The following FMNL2 variants were observed in gnomAD, a reference collection of about 807,000 sequenced individuals.
The protein encoded by FMNL2 is formin-like protein 2.
Under a neutral mutation model 130.2 loss-of-function variants are expected in FMNL2, and 51 were observed. That is an observed-to-expected ratio of 0.39 (90% CI 0.31 to 0.49). FMNL2 has a LOEUF of 0.49. FMNL2 is among the 20% of genes least tolerant of loss of function. The pLI is 0.85. For missense variants in FMNL2, 977 were observed against 1,316.2 expected (o/e 0.74, Z 3.99); for synonymous variants, 465 against 467.1 (o/e 1.00, Z 0.06).
At chr2:152,633,302 C>T (rs185692581) in intron 21 of FMNL2, among the ~76,000 whole-genome samples, 1 of 152,166 alleles carries the variant, frequency 6.6e-6, no homozygotes, top group Non-Finnish European at 1.5e-5. Flanking sequence ...CCCTGTGTTG[C>T]CTAGGCTGGT....
At chr2:152,532,559 G>A (rs1579898238) in intron 2 of FMNL2, among the ~76,000 whole-genome samples, 1 of 150,484 alleles carries the variant, frequency 6.6e-6, no homozygotes, top group South Asian at 2.1e-4. Flanking sequence ...GTATATCTTT[G>A]TTGAAGGATC....
intron 1 of FMNL2, among the ~76,000 whole-genome samples, chr2:152,349,057 G>A (rs908267227): frequency 8.0e-6 from 1 of 125,766 alleles, no homozygotes; most frequent in African/African-American, 3.3e-5. Flanking sequence ...GGATGGTCTC[G>A]ATCTCCTGAC....
intron 1 of FMNL2, among the ~76,000 whole-genome samples, chr2:152,520,611 T>A (rs926912699): frequency 6.8e-4 from 94 of 138,054 alleles, no homozygotes; most frequent in Non-Finnish European, 8.4e-4. Context: ...AAAAAAAAAA[T>A]TAAATTAAAT....
intron 3 of FMNL2, 104 bp downstream of exon 3, chr2:152,542,923 C>T: frequency 7.9e-7 from 1 of 1,270,308 alleles, no homozygotes; most frequent in Non-Finnish European, 1.1e-6. Context: ...GAGCCTCTGC[C>T]AGAGCCTCCA....
chr2:152,462,407 A>T (rs1165384571), intron 1 of FMNL2, among the ~76,000 whole-genome samples: 1 of 152,122 alleles, frequency 6.6e-6, no homozygotes, highest in East Asian at 1.9e-4. Flanking sequence ...GGGGATTTTT[A>T]AAAAAACCTC....
At chr2:152,593,860 AGTGTGTGTGTGTGTGT>A (rs70974873) in intron 9 of FMNL2, among the ~76,000 whole-genome samples, 5 of 113,352 alleles carry the variant, frequency 4.4e-5, no homozygotes, top group African/African-American at 1.7e-4. Flanking sequence ...AGAGAGAGAG[AGTGTGTGTGTGTGTGT>A]GTGTGTGTGT....
chr2:152,420,757 C>G (rs1416885623), intron 1 of FMNL2, among the ~76,000 whole-genome samples: 1 of 152,192 alleles, frequency 6.6e-6, no homozygotes, highest in East Asian at 1.9e-4. Context: ...GGGACTTTAT[C>G]CTCCACTATG....
At chr2:152,617,292 A>C (rs1699006684) in intron 13 of FMNL2, 100 bp downstream of exon 13, 1 of 1,011,782 alleles carries the variant, frequency 9.9e-7, no homozygotes, top group African/African-American at 1.6e-5. Flanking sequence ...AGAGGAATGC[A>C]TTGATGCAGC....
intron 1 of FMNL2, among the ~76,000 whole-genome samples, chr2:152,376,919 C>A (rs1460449970): frequency 6.6e-6 from 1 of 152,126 alleles, no homozygotes; most frequent in Non-Finnish European, 1.5e-5. Context: ...ATCAAGCAAA[C>A]AACAAAACTC....
intron 13 of FMNL2, among the ~76,000 whole-genome samples, chr2:152,617,490 G>C (rs140160454): frequency 4.6e-5 from 7 of 152,316 alleles, no homozygotes; most frequent in African/African-American, 1.7e-4. Context: ...CATTTGGTTG[G>C]AAATAAAAAC....
chr2:152,413,946 C>G (rs78451547), intron 1 of FMNL2, among the ~76,000 whole-genome samples: 12,090 of 152,134 alleles, frequency 0.079, 989 homozygotes, highest in African/African-American at 0.21. Context: ...TTGAGTTGTT[C>G]TTCTTCCTCA....
intron 9 of FMNL2, among the ~76,000 whole-genome samples, chr2:152,604,877 A>G (rs1698274900): frequency 6.9e-6 from 1 of 144,908 alleles, no homozygotes; most frequent in African/African-American, 2.4e-5. Context: ...ATTACAGGCG[A>G]GAACCACCGT....
At chr2:152,505,324 G>A (rs1579832250) in intron 1 of FMNL2, among the ~76,000 whole-genome samples, 1 of 151,988 alleles carries the variant, frequency 6.6e-6, no homozygotes, top group Non-Finnish European at 1.5e-5. Flanking sequence ...TATGAAGAAA[G>A]ATATTAAAAT....
chr2:152,565,567 G>C (rs545518117), intron 6 of FMNL2, among the ~76,000 whole-genome samples: 1 of 151,938 alleles, frequency 6.6e-6, no homozygotes, highest in African/African-American at 2.4e-5. Context: ...ATATAATCCC[G>C]CTCATTTTTT....
At chr2:152,539,807 A>G (rs1694201499) in intron 2 of FMNL2, among the ~76,000 whole-genome samples, 1 of 152,208 alleles carries the variant, frequency 6.6e-6, no homozygotes, top group Non-Finnish European at 1.5e-5. Context: ...TGTCAAAGAT[A>G]GGGCTCACTA....
At chr2:152,338,818 GATACACACACAC>G (rs1681624623) in intron 1 of FMNL2, among the ~76,000 whole-genome samples, 1 of 60,318 alleles carries the variant, frequency 1.7e-5, no homozygotes, top group Non-Finnish European at 5.1e-5. Flanking sequence ...TGGAAGGTGA[GATACACACACAC>G]ACACACACAC....
At chr2:152,561,632 G>A (rs932626559) in intron 6 of FMNL2, among the ~76,000 whole-genome samples, 11 of 150,724 alleles carry the variant, frequency 7.3e-5, no homozygotes, top group African/African-American at 2.7e-4. Context: ...ATAGTGCAGT[G>A]GCACAATCTT....
At chr2:152,360,264 C>G (rs917597838) in intron 1 of FMNL2, among the ~76,000 whole-genome samples, 1 of 152,078 alleles carries the variant, frequency 6.6e-6, no homozygotes, top group Non-Finnish European at 1.5e-5. Flanking sequence ...AATTGTTTCT[C>G]CATTTTTTAG....
At chr2:152,552,332 C>G (rs1694979858) in intron 4 of FMNL2, among the ~76,000 whole-genome samples, 1 of 152,104 alleles carries the variant, frequency 6.6e-6, no homozygotes, top group Non-Finnish European at 1.5e-5. Context: ...AAGGAATTCC[C>G]TAAGGCAGAG....
Sources: gnomAD v4.1 joint callset for allele counts (sites outside exome capture counted in the v4.1 genomes callset) on GRCh38, gnomAD v4.1.1 for gene constraint, MANE v1.5 for transcripts, NCBI Gene and HGNC (gene_info 2026-07-23, HGNC 2026-07-21) for gene names.